ARID4A: variants seen among roughly 807,000 people sequenced by gnomAD.
ARID4A encodes AT-rich interactive domain-containing protein 4A.
ARID4A carries 39 observed loss-of-function variants against 148.6 expected under a neutral mutation model. The observed-to-expected ratio is 0.26, with a 90% confidence interval of 0.20 to 0.34. The LOEUF (loss-of-function observed/expected upper bound fraction) is 0.34. ARID4A is among the 10% of genes least tolerant of loss of function. The pLI is 1.00. For synonymous variants in ARID4A, 475 were observed against 481.2 expected (o/e 0.99, Z 0.17); for missense variants, 1,265 against 1,449.1 (o/e 0.87, Z 2.06).
rs748480107 is a variant in ARID4A at position 58,364,184 on chromosome 14, G to A, written c.2095G>A (p.Asp699Asn). Reference sequence around the variant, plus strand: ...TCCTCTTACAGACTCTTGTTCATCTGATAGTGAAACAGAAGATGCTTTAGA... The same window carrying A: ...TCCTCTTACAGACTCTTGTTCATCTAATAGTGAAACAGAAGATGCTTTAGA... The part of the protein sequence containing the change: ...SEGKSDSCSS[D>N]SETEDALEKN... The change falls in exon 20 of 24, where the codon GAT becomes AAT. Residue 699 changes from aspartate to asparagine, a missense_variant. Physicochemically the swap from Asp to Asn is conservative, Grantham distance 23. Coordinates refer to ENST00000355431, the MANE Select transcript of ARID4A (RefSeq NM_002892.4). 7.1e-7 allele frequency: 1 copy of A among 1,405,908 alleles called. No individual in the cohort carries two copies. Among genetic ancestry groups the A allele is most frequent in the South Asian group, 1.7e-5 (1 of 60,406 alleles). 87.1% of individuals were successfully genotyped at this position (1,405,908 alleles called of 1,614,324 possible). A position where few individuals can be genotyped will look rare whatever the true frequency, so the allele number is the denominator to read the frequency against.
intron 5 of ARID4A, among the ~76,000 whole-genome samples, chr14:58,311,428 T>A (rs1482974181): frequency 1.3e-5 from 2 of 151,972 alleles, no homozygotes; most frequent in Admixed American, 6.6e-5. Flanking sequence ...ATCAAGAAGA[T>A]AAAAGGTTAC....
At chr14:58,307,761 A>G (rs937593634) in intron 5 of ARID4A, among the ~76,000 whole-genome samples, 1 of 152,236 alleles carries the variant, frequency 6.6e-6, no homozygotes, top group Non-Finnish European at 1.5e-5. Context: ...CGGAGGTTGC[A>G]GTAAGCCTAG....
At chr14:58,329,642 T>A in intron 10 of ARID4A, 38 bp downstream of exon 10, 1 of 1,487,954 alleles carries the variant, frequency 6.7e-7, no homozygotes, top group Middle Eastern at 1.7e-4. Context: ...TTTTATGTTG[T>A]GGCTCTATTT....
chr14:58,338,771 G>GA (rs895175191), intron 11 of ARID4A, among the ~76,000 whole-genome samples: 37 of 151,990 alleles, frequency 2.4e-4, no homozygotes, highest in African/African-American at 8.9e-4. Context: ...TGTACTAAAA[G>GA]AAAGAATATA....
intron 8 of ARID4A, among the ~76,000 whole-genome samples, chr14:58,325,126 A>C (rs768236529): frequency 1.3e-5 from 2 of 152,214 alleles, no homozygotes; most frequent in Non-Finnish European, 2.9e-5. Context: ...GAATTATTTC[A>C]GAGAGGAATA....
rs144637773 is a variant in ARID4A, at chr14:58,365,177, G to A, written c.3088G>A (p.Asp1030Asn). 3.1e-6 allele frequency: 5 copies of A among 1,614,008 alleles called. No homozygotes were observed. The African/African-American group carries it at 6.7e-5, about 22-fold the overall frequency. The change falls in exon 20 of 24, where the codon GAT becomes AAT. Residue 1030 changes from aspartate (D) to asparagine (N), a missense_variant. Asp to Asn is a conservative substitution (Grantham distance 23). Transcript: ENST00000355431. ...KSESDITIEV[D>N]SIAEESQEGL... is the part of the protein sequence containing the mutation. Reference sequence around the variant, plus strand: ...TGAGAGTGATATAACGATTGAAGTTGATAGTATTGCTGAAGAATCTCAAGA... The same window carrying A: ...TGAGAGTGATATAACGATTGAAGTTAATAGTATTGCTGAAGAATCTCAAGA...
chr14:58,351,319 G>A lies in ARID4A; in HGVS notation c.1651G>A (p.Glu551Lys). ...AGATGAAGAGGAAGAGAAAAGCCAA[G>A]AGAGGTACATTATCTTATGTTTGTT... Reference protein sequence around the residue: ...DSDEEEEKSQEREETESKCDS... With the variant: ...DSDEEEEKSQKREETESKCDS... The change falls in exon 16 of 24, where the codon GAG (glutamate) becomes AAG (lysine). Residue 551 changes from glutamate (E) to lysine (K), a missense_variant. Glu to Lys is a moderately conservative substitution (Grantham distance 56). Around this residue, in one of 9 missense-constraint regions of ARID4A, gnomAD observed 205 missense variants for 196.9 expected, o/e 1.04. Coordinates refer to ENST00000355431, the MANE Select transcript of ARID4A (RefSeq NM_002892.4). The A allele has an allele frequency of 6.3e-7, 1 of 1,598,618 alleles. No homozygotes were observed. Among genetic ancestry groups the A allele is most frequent in the Non-Finnish European group, 8.5e-7 (1 of 1,176,518 alleles).
At chr14:58,363,015 T>C (rs888761195) in intron 19 of ARID4A, among the ~76,000 whole-genome samples, 1 of 152,190 alleles carries the variant, frequency 6.6e-6, no homozygotes, top group East Asian at 1.9e-4. Flanking sequence ...TGCTGACAAA[T>C]GTTTAAGATG....
intron 5 of ARID4A, among the ~76,000 whole-genome samples, chr14:58,309,446 G>A (rs2031856328): frequency 6.6e-6 from 1 of 152,222 alleles, no homozygotes; most frequent in Admixed American, 6.5e-5. Context: ...ATATGTGGAA[G>A]TGTGTTATCT....
chr14:58,323,745 T>C (rs2033047837), intron 8 of ARID4A, 128 bp downstream of exon 8: 1 of 750,120 alleles, frequency 1.3e-6, no homozygotes, highest in South Asian at 1.9e-5. Context: ...ATTTTTTAAT[T>C]GAATAATCAT....
At chr14:58,321,651 G>A (rs919201768) in intron 7 of ARID4A, among the ~76,000 whole-genome samples, 1 of 152,038 alleles carries the variant, frequency 6.6e-6, no homozygotes, top group South Asian at 2.1e-4. Context: ...ACTGCTGCTG[G>A]GGAGTATATA....
chr14:58,343,258 A>T (rs947315546), intron 11 of ARID4A, among the ~76,000 whole-genome samples: 5 of 152,238 alleles, frequency 3.3e-5, no homozygotes, highest in African/African-American at 9.6e-5. Flanking sequence ...GTTAGAACTT[A>T]TATTTAAATT....
At position 58,322,291 on chromosome 14, in the gene ARID4A, A is replaced by G. The variant is rs528396704; in HGVS notation, c.450-1194A>G. Among the ~76,000 whole-genome samples the G allele has an allele frequency of 5.9e-5, 9 of 152,200 alleles. No individual in the cohort carries two copies. In the South Asian group the frequency reaches 1.9e-3, roughly 32 times the overall value. The stretch of plus-strand genomic sequence containing the variant: ...AGCCGATAATGTATATAAATTTATT[A>G]GTGTGTAATAAGTACTCAGGACATG... On this transcript the variant is annotated intron_variant, in intron 7 of 23. Coordinates refer to ENST00000355431, the MANE Select transcript of ARID4A (RefSeq NM_002892.4).
In ARID4A at chr14:58,329,920, C is replaced by A. The variant is rs914212141; in HGVS notation, c.740-83C>A. On this transcript the variant is annotated intron_variant, in intron 10 of 23. Coordinates refer to ENST00000355431, the MANE Select transcript of ARID4A (RefSeq NM_002892.4). The stretch of plus-strand genomic sequence containing the variant: ...ATGACAGCCGAATTTGAATTCAGAT[C>A]TTTGATTCTGAATGCCATGCCTTTT... 11 of 1,516,200 alleles carry A rather than the reference C, an allele frequency of 7.3e-6. No homozygotes were observed. In the African/African-American group the frequency reaches 1.3e-4, roughly 17 times the overall value. The allele number at this position is 1,516,200 out of a possible 1,614,324, so 93.9% of individuals were successfully genotyped here.
At chr14:58,319,620 A>G (rs1321491734) in intron 7 of ARID4A, among the ~76,000 whole-genome samples, 2 of 119,224 alleles carry the variant, frequency 1.7e-5, no homozygotes, top group African/African-American at 6.6e-5. Context: ...ATCTTGGCTC[A>G]CTGCAACTTT....
Position 58,373,226 on chromosome 14 carries a change from C to G in ARID4A, c.*1237C>G, listed in dbSNP as rs551331851. 1.5e-5 allele frequency: 3 copies of G among 198,406 alleles called. No individual in the cohort carries two copies. The East Asian group carries it at 2.4e-4, about 16-fold the overall frequency. 12.3% of individuals were successfully genotyped at this position (198,406 alleles called of 1,614,324 possible). The stretch of plus-strand genomic sequence containing the variant: ...ATTTATATCTCCCAAAGTTGAGATG[C>G]AACAACTAAGTAAAGCAACTATGTA... On this transcript the variant is annotated 3_prime_UTR_variant, in exon 24 of 24. Coordinates refer to ENST00000355431, the MANE Select transcript of ARID4A (RefSeq NM_002892.4).
chr14:58,301,044 G>A (rs1449292192), intron 2 of ARID4A, among the ~76,000 whole-genome samples: 1 of 152,010 alleles, frequency 6.6e-6, no homozygotes, highest in Non-Finnish European at 1.5e-5. Flanking sequence ...TGCATTCATC[G>A]GCTGAATTCA....
intron 11 of ARID4A, among the ~76,000 whole-genome samples, chr14:58,334,156 A>G (rs1384442057): frequency 6.6e-6 from 1 of 152,170 alleles, no homozygotes; most frequent in Non-Finnish European, 1.5e-5. Flanking sequence ...ATATAGCTAC[A>G]TACAGCTATA....
intron 15 of ARID4A, among the ~76,000 whole-genome samples, chr14:58,350,413 T>C (rs967025648): frequency 3.3e-5 from 5 of 152,152 alleles, no homozygotes; most frequent in African/African-American, 1.2e-4. Context: ...ACCTAGGAGA[T>C]AGTGAAATTG....
Sources: gnomAD v4.1 joint callset for allele counts (sites outside exome capture counted in the v4.1 genomes callset) on GRCh38, gnomAD v4.1.1 for gene constraint, gnomAD v4.1.1 regional missense constraint, MANE v1.5 for transcripts, NCBI Gene and HGNC (gene_info 2026-07-23, HGNC 2026-07-21) for gene names.